The following STXBP6 variants were observed in gnomAD, a reference collection of about 807,000 sequenced individuals.
STXBP6 encodes the protein syntaxin-binding protein 6.
Under a neutral mutation model 26.9 loss-of-function variants are expected in STXBP6, and 21 were observed. That is an observed-to-expected ratio of 0.78 (90% CI 0.55 to 1.12). The LOEUF (loss-of-function observed/expected upper bound fraction) is 1.12, where lower values mean the gene tolerates loss of function less well. Among genes scored for constraint, STXBP6 ranks in the 50% most tolerant of loss-of-function variants. STXBP6 has a pLI of 0.00. For synonymous variants in STXBP6, 97 were observed against 92.6 expected, an observed-to-expected ratio of 1.05 and a Z score of -0.27; for missense variants, 232 against 257.9, an observed-to-expected ratio of 0.90 and a Z score of 0.69.
At position 24,818,917 on chromosome 14, in the gene STXBP6, T is replaced by G. The variant is rs372719138; in HGVS notation, c.609+120A>C. ...TAGTAAGTAGCAGATGGGAATTACATAAAGGGGAAATAGCTTAATTTTATA... is the reference window on the plus strand; with the variant it reads ...TAGTAAGTAGCAGATGGGAATTACAGAAAGGGGAAATAGCTTAATTTTATA... On this transcript the variant is annotated intron_variant, in intron 5 of 5. Transcript: ENST00000323944. 5 of 1,340,204 alleles carry G rather than the reference T, an allele frequency of 3.7e-6. No homozygotes were observed. In the African/African-American group the frequency reaches 7.4e-5, roughly 20 times the overall value. The allele number at this position is 1,340,204 out of a possible 1,614,324, so 83.0% of individuals were successfully genotyped here. A position where few individuals can be genotyped will look rare whatever the true frequency, so the allele number is the denominator to read the frequency against.
chr14:24,909,433 C>A (rs1251781101), intron 2 of STXBP6, among the ~76,000 whole-genome samples: 1 of 152,058 alleles, frequency 6.6e-6, no homozygotes, highest in Non-Finnish European at 1.5e-5. Flanking sequence ...GTCAAAGAAT[C>A]AATTATAAAG....
chr14:24,914,384 TTTTA>T (rs1367530224), intron 2 of STXBP6, among the ~76,000 whole-genome samples: 1 of 152,150 alleles, frequency 6.6e-6, no homozygotes, highest in Non-Finnish European at 1.5e-5. Context: ...ATGCTTGGCT[TTTTA>T]TTTTACTTTT....
chr14:24,865,570 A>G (rs2069688356), intron 2 of STXBP6, among the ~76,000 whole-genome samples: 1 of 152,196 alleles, frequency 6.6e-6, no homozygotes, highest in African/African-American at 2.4e-5. Flanking sequence ...AGGTTTAAAA[A>G]ATAATCACTC....
chr14:25,014,606 G>A (rs1376559343), intron 1 of STXBP6, among the ~76,000 whole-genome samples: 1 of 152,236 alleles, frequency 6.6e-6, no homozygotes, highest in African/African-American at 2.4e-5. Flanking sequence ...CACAGAGTCC[G>A]TGTCCACAGA....
intron 2 of STXBP6, among the ~76,000 whole-genome samples, chr14:24,919,620 C>T (rs531846165): frequency 4.6e-5 from 7 of 151,464 alleles, no homozygotes; most frequent in Middle Eastern, 3.4e-3. Flanking sequence ...AGTTATTTTG[C>T]GCTACAACAA....
chr14:24,971,746 C>T (rs915918551), intron 2 of STXBP6, among the ~76,000 whole-genome samples: 24 of 152,198 alleles, frequency 1.6e-4, no homozygotes, highest in Non-Finnish European at 3.5e-4. Flanking sequence ...CCAAACCAGG[C>T]CAAATTCTCT....
chr14:24,924,736 C>T (rs1408645224), intron 2 of STXBP6, among the ~76,000 whole-genome samples: 2 of 152,116 alleles, frequency 1.3e-5, no homozygotes, highest in Non-Finnish European at 2.9e-5. Context: ...AGCCACAGTT[C>T]CTGGGGGAAC....
rs150593467 is a variant in STXBP6, at chr14:24,814,149, A to C, written c.610-1417T>G. Among the ~76,000 whole-genome samples the C allele has an allele frequency of 1.4e-4, 22 of 152,298 alleles. No homozygotes were observed. The East Asian group carries it at 4.2e-3, about 29-fold the overall frequency. On this transcript the variant is annotated intron_variant, in intron 5 of 5. Transcript: ENST00000323944. ...TGTGCCCAGGCTGTCCTGCTGAGTG[A>C]TGTGGGTTCTTGCCAAGAAGGGTAG...
chr14:24,874,466 A>C (rs1769741647), intron 2 of STXBP6, among the ~76,000 whole-genome samples: 1 of 152,058 alleles, frequency 6.6e-6, no homozygotes, highest in Non-Finnish European at 1.5e-5. Context: ...TTATTATGCT[A>C]TAGGGTCCAT....
chr14:24,894,896 T>C (rs1188251761), intron 2 of STXBP6, among the ~76,000 whole-genome samples: 2 of 134,996 alleles, frequency 1.5e-5, no homozygotes, highest in Admixed American at 7.6e-5. Context: ...TCTCTCTTTT[T>C]TTTTTTTTAA....
intron 2 of STXBP6, among the ~76,000 whole-genome samples, chr14:24,891,247 C>A (rs548909273): frequency 2.6e-5 from 4 of 152,192 alleles, no homozygotes; most frequent in Non-Finnish European, 4.4e-5. Flanking sequence ...GACTTATGAA[C>A]GTTTCCTTTT....
At chr14:24,924,763 A>C (rs2072102855) in intron 2 of STXBP6, among the ~76,000 whole-genome samples, 1 of 152,152 alleles carries the variant, frequency 6.6e-6, no homozygotes, top group African/African-American at 2.4e-5. Context: ...TCAGTGGGGG[A>C]CCCATACAGG....
At chr14:24,955,620 G>A (rs1161372414) in intron 2 of STXBP6, among the ~76,000 whole-genome samples, 1 of 152,080 alleles carries the variant, frequency 6.6e-6, no homozygotes, top group Non-Finnish European at 1.5e-5. Context: ...TGAACATATG[G>A]CCCATGATGA....
chr14:24,944,486 G>T (rs1309100447), intron 2 of STXBP6, among the ~76,000 whole-genome samples: 1 of 152,150 alleles, frequency 6.6e-6, no homozygotes, highest in African/African-American at 2.4e-5. Flanking sequence ...AGTTTCCTTG[G>T]TAGTTCATAG....
chr14:25,015,262 C>T (rs1049290030), intron 1 of STXBP6, among the ~76,000 whole-genome samples: 32 of 152,102 alleles, frequency 2.1e-4, no homozygotes, highest in African/African-American at 7.5e-4. Context: ...AAGGGGATTT[C>T]TCTGGTTCTT....
chr14:24,832,676 A>G (rs2068490602), intron 4 of STXBP6, among the ~76,000 whole-genome samples: 2 of 152,204 alleles, frequency 1.3e-5, no homozygotes, highest in South Asian at 2.1e-4. Flanking sequence ...ATTATCATCA[A>G]TGGAATCAAA....
rs1182497657 is a variant in STXBP6 at position 24,811,187 on chromosome 14, A to C, written c.*1522T>G. 1 of 152,162 alleles carries C rather than the reference A, an allele frequency of 6.6e-6. No homozygotes were observed. Among genetic ancestry groups the C allele is most frequent in the African/African-American group, 2.4e-5 (1 of 41,438 alleles). The allele number at this position is 152,162 out of a possible 1,614,324, so 9.4% of individuals were successfully genotyped here. A position where few individuals can be genotyped will look rare whatever the true frequency, so the allele number is the denominator to read the frequency against. ...TGCACCATCTGATATTTTTACCCCC[A>C]GTAGACAAACTTTCTCTCTCCTTGG... On this transcript the variant is annotated 3_prime_UTR_variant, in exon 6 of 6. Coordinates refer to ENST00000323944, the MANE Select transcript of STXBP6 (RefSeq NM_001394410.1).
intron 2 of STXBP6, among the ~76,000 whole-genome samples, chr14:24,961,453 A>AC (rs1028768149): frequency 5.6e-5 from 4 of 71,946 alleles, no homozygotes; most frequent in East Asian, 6.7e-4. Flanking sequence ...ACTAAAAACA[A>AC]AAAAAAAAAA....
chr14:24,844,411 C>T (rs2068880528), intron 4 of STXBP6, among the ~76,000 whole-genome samples: 2 of 152,204 alleles, frequency 1.3e-5, no homozygotes, highest in African/African-American at 4.8e-5. Context: ...GTCGGACAGA[C>T]GTACGGGTAA....
Sources: allele counts gnomAD v4.1 joint callset (sites outside exome capture counted in the v4.1 genomes callset), GRCh38; gene constraint gnomAD v4.1.1; transcripts MANE v1.5; gene names NCBI Gene and HGNC (gene_info 2026-07-23, HGNC 2026-07-21).